The following SEMA3C variants were observed in gnomAD, a reference collection of about 807,000 sequenced individuals.
The protein encoded by SEMA3C is semaphorin 3C.
A neutral mutation model predicts 89.4 loss-of-function variants in SEMA3C; 47 were observed. That is an observed-to-expected ratio of 0.53 (90% CI 0.42 to 0.67). The LOEUF (loss-of-function observed/expected upper bound fraction) is 0.67. SEMA3C is among the 30% of genes least tolerant of loss of function. The pLI is 0.00. For missense variants in SEMA3C, 839 were observed against 929.1 expected (o/e 0.90, Z 1.26); for synonymous variants, 310 against 320.2 (o/e 0.97, Z 0.34).
At chr7:80,811,622 T>C (rs993423631) in intron 5 of SEMA3C, among the ~76,000 whole-genome samples, 12 of 152,178 alleles carry the variant, frequency 7.9e-5, no homozygotes, top group East Asian at 3.8e-4. Context: ...GCTAAGATTT[T>C]TGAAAGTTAT....
chr7:80,793,098 A>C (rs1788981283), intron 11 of SEMA3C, among the ~76,000 whole-genome samples: 1 of 152,206 alleles, frequency 6.6e-6, no homozygotes, highest in African/African-American at 2.4e-5. Flanking sequence ...TTTTGGTTAA[A>C]CTTCTCCTTT....
At chr7:80,882,412 C>CT (rs763742493) in intron 2 of SEMA3C, among the ~76,000 whole-genome samples, 2,079 of 46,636 alleles carry the variant, frequency 0.045, 239 homozygotes, top group African/African-American at 0.081. Flanking sequence ...GTAAGGGATG[C>CT]TTTTTTTTTT....
chr7:80,917,215 T>G (rs2116262252), intron 1 of SEMA3C, among the ~76,000 whole-genome samples: 1 of 152,316 alleles, frequency 6.6e-6, no homozygotes, highest in African/African-American at 2.4e-5. Context: ...TTCCCCCCAC[T>G]AACGTAACAG....
At chr7:80,785,344 A>G in intron 12 of SEMA3C, among the ~76,000 whole-genome samples, 1 of 152,206 alleles carries the variant, frequency 6.6e-6, no homozygotes, top group South Asian at 2.1e-4. Flanking sequence ...TTGACAAATA[A>G]TATCTTCATT....
At chr7:80,787,909 CCCGTGGGAAAGGATGCCA>C (rs1788841187) in intron 12 of SEMA3C, among the ~76,000 whole-genome samples, 1 of 152,112 alleles carries the variant, frequency 6.6e-6, no homozygotes, top group Non-Finnish European at 1.5e-5. Flanking sequence ...ATATGTCCAA[CCCGTGGGAAAGGATGCCA>C]ACCTAGGATG....
chr7:80,843,563 T>C (rs1210161735), intron 2 of SEMA3C, among the ~76,000 whole-genome samples: 1 of 152,162 alleles, frequency 6.6e-6, no homozygotes, highest in Non-Finnish European at 1.5e-5. Context: ...ACCATTGTGC[T>C]AATTGAATGA....
rs565983521 is a variant in SEMA3C, at chr7:80,798,299, T to A, written c.987-63A>T. 5.6e-5 allele frequency: 70 copies of A among 1,241,396 alleles called. No individual in the cohort carries two copies. The African/African-American group carries it at 1.1e-3, about 19-fold the overall frequency. 76.9% of individuals were successfully genotyped at this position (1,241,396 alleles called of 1,614,324 possible). ...TAAAATTAAAATACAATTTAAAAAA[T>A]ATATGGTAAAATTTATGATAAAAAG... On this transcript the variant is annotated intron_variant, in intron 10 of 17. Transcript: ENST00000265361.
intron 11 of SEMA3C, among the ~76,000 whole-genome samples, chr7:80,793,882 G>GTTTTTTTTTTTTTT (rs1789001648): frequency 7.9e-6 from 1 of 126,208 alleles, no homozygotes; most frequent in Non-Finnish European, 1.9e-5. Context: ...TGGGGGATGA[G>GTTTTTTTTTTTTTT]TGGTATATAG....
intron 2 of SEMA3C, among the ~76,000 whole-genome samples, chr7:80,862,905 A>G (rs905767908): frequency 2.6e-5 from 4 of 152,148 alleles, no homozygotes; most frequent in Non-Finnish European, 4.4e-5. Context: ...GGAGAATGAA[A>G]CTGGATCCTC....
intron 2 of SEMA3C, 108 bp downstream of exon 2, chr7:80,916,571 T>C: frequency 1.0e-6 from 1 of 978,630 alleles, no homozygotes; most frequent in Non-Finnish European, 1.4e-6. Flanking sequence ...TAAATATTTT[T>C]AAAATTAATA....
chr7:80,848,114 G>T (rs1790432188), intron 2 of SEMA3C, among the ~76,000 whole-genome samples: 1 of 152,130 alleles, frequency 6.6e-6, no homozygotes, highest in Non-Finnish European at 1.5e-5. Flanking sequence ...TAATGGTTAA[G>T]CATGTAAACT....
chr7:80,871,959 A>G (rs969625968), intron 2 of SEMA3C, among the ~76,000 whole-genome samples: 14 of 152,126 alleles, frequency 9.2e-5, no homozygotes, highest in Admixed American at 9.2e-4. Flanking sequence ...CTTTTTCACT[A>G]CAAAATAACC....
rs1393643929 is a variant in SEMA3C, at chr7:80,804,118, A to G, written c.789T>C (p.Ala263=). Residue 263 remains alanine, a synonymous_variant, in exon 8 of 18, where the codon GCT becomes GCC. Transcript: ENST00000265361. ...RSTKQIHSMI[A]RICPNDTGGL... is the part of the protein sequence containing the mutation. Reference sequence around the variant, plus strand: ...CATTAATACTTACAGGACATATTCGAGCAATCATGGAATGAATCTGTTTCG... The same window carrying G: ...CATTAATACTTACAGGACATATTCGGGCAATCATGGAATGAATCTGTTTCG... The G allele has an allele frequency of 5.0e-6, 8 of 1,609,972 alleles. No homozygotes were observed. Among genetic ancestry groups the G allele is most frequent in the Non-Finnish European group, 6.8e-6 (8 of 1,177,784 alleles).
intron 5 of SEMA3C, among the ~76,000 whole-genome samples, chr7:80,812,544 C>T (rs1166548972): frequency 6.6e-6 from 1 of 152,082 alleles, no homozygotes; most frequent in Non-Finnish European, 1.5e-5. Context: ...AGTGAGAGTT[C>T]GTCTTGCAGG....
intron 2 of SEMA3C, among the ~76,000 whole-genome samples, chr7:80,901,097 T>C (rs1026629059): frequency 6.6e-6 from 1 of 152,342 alleles, no homozygotes; most frequent in Non-Finnish European, 1.5e-5. Context: ...AACGAATTAC[T>C]GCATCTAATT....
At position 80,747,014 on chromosome 7, in the gene SEMA3C, TG is replaced by T. The variant is rs1411460042; in HGVS notation, c.1843-1708del. 2.3e-4 allele frequency among the ~76,000 whole-genome samples: 8 copies of T among 35,372 alleles called. No homozygotes were observed. In the Admixed American group the frequency reaches 4.0e-3, roughly 18 times the overall value. The allele number at this position is 35,372 out of a possible 152,430, so 23.2% of individuals were successfully genotyped here. A position where few individuals can be genotyped will look rare whatever the true frequency, so the allele number is the denominator to read the frequency against. On this transcript the variant is annotated intron_variant, in intron 17 of 17. Coordinates refer to ENST00000265361, the MANE Select transcript of SEMA3C (RefSeq NM_006379.5). Reference sequence around the variant, plus strand: ...AATGATTAATGTTTACACAGTAGTATGAGTGAGAAGCATGTTTTCTTAAAAT... The same window carrying T: ...AATGATTAATGTTTACACAGTAGTATAGTGAGAAGCATGTTTTCTTAAAAT...
chr7:80,865,414 A>G (rs895098881), intron 2 of SEMA3C, among the ~76,000 whole-genome samples: 1 of 152,126 alleles, frequency 6.6e-6, no homozygotes, highest in African/African-American at 2.4e-5. Context: ...ATATATTCCA[A>G]TCATTGTATC....
chr7:80,817,307 C>A (rs945803284), intron 5 of SEMA3C, among the ~76,000 whole-genome samples: 1 of 151,800 alleles, frequency 6.6e-6, no homozygotes, highest in Non-Finnish European at 1.5e-5. Flanking sequence ...ATAGATTAAT[C>A]CTTGTTAAAG....
At chr7:80,824,141 G>A (rs2115792609) in intron 4 of SEMA3C, among the ~76,000 whole-genome samples, 1 of 152,182 alleles carries the variant, frequency 6.6e-6, no homozygotes, top group East Asian at 1.9e-4. Flanking sequence ...AGGATTAAGG[G>A]ATGCTTAACT....
Sources: allele counts gnomAD v4.1 joint callset (sites outside exome capture counted in the v4.1 genomes callset), GRCh38; gene constraint gnomAD v4.1.1; transcripts MANE v1.5; gene names NCBI Gene and HGNC (gene_info 2026-07-23, HGNC 2026-07-21).